PCDHA1: variants seen among roughly 807,000 people sequenced by gnomAD.
PCDHA1 encodes protocadherin alpha-1.
Under a neutral mutation model 61.3 loss-of-function variants are expected in PCDHA1, and 42 were observed. The observed-to-expected ratio is 0.69, with a 90% CI of 0.54 to 0.89. PCDHA1 has a LOEUF of 0.89. Among genes scored for constraint, PCDHA1 ranks in the 40% least tolerant of loss-of-function variants. PCDHA1 has a pLI of 0.00. For synonymous variants in PCDHA1, 610 were observed against 553.8 expected, an observed-to-expected ratio of 1.10 and a Z score of -1.43; for missense variants, 1,256 against 1,235.3, an observed-to-expected ratio of 1.02 and a Z score of -0.25.
chr5:140,941,185 CTTT>C (rs782102770), intron 1 of PCDHA1, among the ~76,000 whole-genome samples: 1 of 102,176 alleles, frequency 9.8e-6, no homozygotes, highest in Admixed American at 9.9e-5. Flanking sequence ...CATCCTGCTT[CTTT>C]TTTTTTCTTT....
At chr5:140,877,816 GATT>G (rs2057354449) in intron 1 of PCDHA1, 1 of 1,609,196 alleles carries the variant, frequency 6.2e-7, no homozygotes, top group East Asian at 2.2e-5. Flanking sequence ...GTCTCGAGAA[GATT>G]GTTTAAATCC....
At chr5:140,967,589 T>C (rs782348275) in intron 1 of PCDHA1, 20 of 1,613,912 alleles carry the variant, frequency 1.2e-5, no homozygotes, top group African/African-American at 1.2e-4. Context: ...CCCAGGCACA[T>C]TGGTGGTGAA....
At chr5:140,917,137 C>A (rs868951388) in intron 1 of PCDHA1, among the ~76,000 whole-genome samples, 4 of 152,208 alleles carry the variant, frequency 2.6e-5, no homozygotes, top group African/African-American at 4.8e-5. Context: ...CCACGTTGCT[C>A]AGCTGCTGCT....
At chr5:140,796,274 C>A (rs1335115262) in intron 1 of PCDHA1, 1 of 1,613,974 alleles carries the variant, frequency 6.2e-7, no homozygotes, top group Non-Finnish European at 8.5e-7. Flanking sequence ...TCACTGTGGG[C>A]CACCACCAGC....
At chr5:140,850,006 T>G (rs2150463121) in intron 1 of PCDHA1, 1 of 1,596,968 alleles carries the variant, frequency 6.3e-7, no homozygotes, top group Non-Finnish European at 8.6e-7. Flanking sequence ...GAGCGCTCGC[T>G]GTCGAGCTAC....
At chr5:140,851,889 A>G in intron 1 of PCDHA1, 1 of 976,024 alleles carries the variant, frequency 1.0e-6, no homozygotes, top group East Asian at 1.1e-4. Context: ...TCTGGATATG[A>G]GATTTGCCTC....
At chr5:140,836,796 C>T (rs2150270125) in intron 1 of PCDHA1, 1 of 1,377,882 alleles carries the variant, frequency 7.3e-7, no homozygotes, top group Admixed American at 2.4e-5. Flanking sequence ...CAATTGGTCT[C>T]CTTAAATTTT....
At chr5:140,881,347 C>T in intron 1 of PCDHA1, 1 of 985,212 alleles carries the variant, frequency 1.0e-6, no homozygotes, top group Non-Finnish European at 1.2e-6. Context: ...ATTCGGGCTA[C>T]AATGCGTGGC....
At chr5:140,911,339 A>G (rs2075428336) in intron 1 of PCDHA1, among the ~76,000 whole-genome samples, 1 of 152,042 alleles carries the variant, frequency 6.6e-6, no homozygotes, top group Non-Finnish European at 1.5e-5. Flanking sequence ...TTTCCAATCA[A>G]TGCCCTCATT....
chr5:140,882,129 T>G lies in PCDHA1; in HGVS notation c.2394+93445T>G. 10 of 1,473,110 alleles carry G rather than the reference T, an allele frequency of 6.8e-6. No homozygotes were observed. The South Asian group carries it at 9.9e-5, about 15-fold the overall frequency. The allele number at this position is 1,473,110 out of a possible 1,614,324, so 91.3% of individuals were successfully genotyped here. On this transcript the variant is annotated intron_variant, in intron 1 of 3. Transcript: ENST00000504120. ...AAGAAAGCCGCCGTTTCTTTCTTCC[T>G]GCAGAAAATATAGCAGAAAGCGGAA...
Position 140,797,034 on chromosome 5 carries a change from G to C in PCDHA1, c.2394+8350G>C. On this transcript the variant is annotated intron_variant, in intron 1 of 3. Transcript: ENST00000504120. ...CGTGGGTGGGCGCCGCGGGCTCAGA[G>C]GCTACGCTGGTGGATGTCAACGTGT... The C allele has an allele frequency of 1.5e-5, 25 of 1,613,728 alleles. No homozygotes were observed. The highest frequency in any genetic ancestry group is 1.9e-5 in the Non-Finnish European group (23 of 1,179,968).
rs2150236646 is a variant in PCDHA1 at position 140,835,485 on chromosome 5, G to T, written c.2394+46801G>T. On this transcript the variant is annotated intron_variant, in intron 1 of 3. Transcript: ENST00000504120. ...TCCAGAGGACGCCCAACCAGGTACC[G>T]TCATCACATTGATTAGCGTGTTTGA... The T allele has an allele frequency of 3.8e-5, 62 of 1,613,778 alleles. 1 individual carries two copies. Among genetic ancestry groups the T allele is most frequent in the South Asian group, 9.9e-5 (9 of 91,074 alleles).
At position 140,788,054 on chromosome 5, in the gene PCDHA1, T is replaced by A. The variant is rs782589294; in HGVS notation, c.1764T>A (p.Gly588=). 2 of 1,613,788 alleles carry A rather than the reference T, an allele frequency of 1.2e-6. No individual in the cohort carries two copies. The highest frequency in any genetic ancestry group is 2.2e-5 in the South Asian group (2 of 91,062). The change falls in exon 1 of 4, where the codon GGT becomes GGA. Residue 588 remains glycine, a synonymous_variant. Coordinates refer to ENST00000504120, the MANE Select transcript of PCDHA1 (RefSeq NM_018900.4). ...SELVPRLVGA[G]HVVAKVRAVD... ...TGGTGCCGCGATTGGTGGGTGCGGG[T>A]CATGTGGTGGCGAAGGTGCGCGCAG...
At position 140,838,838 on chromosome 5, in the gene PCDHA1, C is replaced by T. The variant is rs1484620027; in HGVS notation, c.2394+50154C>T. Among the ~76,000 whole-genome samples the T allele has an allele frequency of 2.0e-5, 3 of 151,902 alleles. No homozygotes were observed. In the East Asian group the frequency reaches 5.8e-4, roughly 29 times the overall value. On this transcript the variant is annotated intron_variant, in intron 1 of 3. Coordinates refer to ENST00000504120, the MANE Select transcript of PCDHA1 (RefSeq NM_018900.4). ...TCAAGAAACTGAGGTGGGAGGATCACTTAAGCCAGGGAGGTCCAAGCTGCA... is the reference window on the plus strand; with the variant it reads ...TCAAGAAACTGAGGTGGGAGGATCATTTAAGCCAGGGAGGTCCAAGCTGCA...
intron 1 of PCDHA1, chr5:140,856,142 T>G (rs1554148241): frequency 6.3e-7 from 1 of 1,598,118 alleles, no homozygotes; most frequent in East Asian, 2.2e-5. Flanking sequence ...CCAGCTCCAC[T>G]ACTCAGTCTA....
chr5:140,829,116 A>T, intron 1 of PCDHA1: 5 of 1,612,284 alleles, frequency 3.1e-6, no homozygotes, highest in Non-Finnish European at 4.2e-6. Context: ...AGAATTTTGG[A>T]TAAAAATGAT....
chr5:140,913,107 CA>C (rs2076210472), intron 1 of PCDHA1, among the ~76,000 whole-genome samples: 1 of 152,078 alleles, frequency 6.6e-6, no homozygotes, highest in South Asian at 2.1e-4. Context: ...CTCATAGAAT[CA>C]GTTTGGAAGT....
chr5:140,917,333 G>T (rs1301739777), intron 1 of PCDHA1, among the ~76,000 whole-genome samples: 6 of 148,632 alleles, frequency 4.0e-5, no homozygotes, highest in East Asian at 2.0e-4. Context: ...GCGGGGGAGG[G>T]GGGGGATGGT....
intron 1 of PCDHA1, chr5:140,841,763 C>G: frequency 6.2e-7 from 1 of 1,613,884 alleles, no homozygotes; most frequent in South Asian, 1.1e-5. Context: ...ATCCAGAATG[C>G]CAGACTCTCG....
Sources: allele counts gnomAD v4.1 joint callset (sites outside exome capture counted in the v4.1 genomes callset), GRCh38; gene constraint gnomAD v4.1.1; transcripts MANE v1.5; gene names NCBI Gene and HGNC (gene_info 2026-07-23, HGNC 2026-07-21).